SMC3: variants seen among roughly 807,000 people sequenced by gnomAD.
SMC3 encodes structural maintenance of chromosomes protein 3.
In SMC3, 20 loss-of-function variants were observed where a neutral mutation model predicts 171.8. The observed-to-expected ratio is 0.12, with a 90% confidence interval of 0.08 to 0.17. The LOEUF (loss-of-function observed/expected upper bound fraction) is 0.17, where lower values mean the gene tolerates loss of function less well. Among genes scored for constraint, SMC3 ranks in the 10% least tolerant of loss-of-function variants. The pLI, the probability that SMC3 is intolerant of heterozygous loss-of-function variation, is 1.00. For synonymous variants in SMC3, 464 were observed against 451.1 expected, an observed-to-expected ratio of 1.03 and a Z score of -0.36; for missense variants, 543 against 1,420.4, an observed-to-expected ratio of 0.38 and a Z score of 9.93.
rs771455552 is a variant in SMC3, at chr10:110,602,619, A to T, written c.3251A>T (p.Gln1084Leu). The change falls in exon 26 of 29, where the codon CAA becomes CTA. Residue 1084 changes from glutamine (Q) to leucine (L), a missense_variant. By Grantham distance (113) the Gln-to-Leu change is moderately radical (BLOSUM62 -2). Coordinates refer to ENST00000361804, the MANE Select transcript of SMC3 (RefSeq NM_005445.4). ...GAGAGTGAGAGGGGTTCTGGCTCAC[A>T]AAGCAGTGTCCCATCAGTTGACCAG... ...SGESERGSGS[Q>L]SSVPSVDQFT... The T allele has an allele frequency of 1.9e-6, 3 of 1,613,998 alleles. No individual in the cohort carries two copies.
intron 4 of SMC3, among the ~76,000 whole-genome samples, chr10:110,576,874 A>G (rs1355953115): frequency 1.3e-5 from 2 of 152,174 alleles, no homozygotes; most frequent in Non-Finnish European, 1.5e-5. Context: ...TTAAATGTGT[A>G]TATTTCTATA....
chr10:110,583,326 C>A, intron 10 of SMC3, 58 bp from the exon 11 acceptor site: 1 of 1,365,102 alleles, frequency 7.3e-7, no homozygotes, highest in South Asian at 1.2e-5. Context: ...TTAATGGTGT[C>A]ACAATTCTGC....
Position 110,567,766 on chromosome 10 carries a change from T to A in SMC3, c.-51T>A. On this transcript the variant is annotated 5_prime_UTR_variant, in exon 1 of 29. Transcript: ENST00000361804. ...GGCGCCTCACCTGACCCTGCGGCCG[T>A]GCGGTTGCTGCTCCGGGGCAGGTCT... is the stretch of plus-strand genomic sequence containing the variant. The A allele has an allele frequency of 6.2e-7, 1 of 1,612,034 alleles. No individual in the cohort carries two copies. The highest frequency in any genetic ancestry group is 8.5e-7 in the Non-Finnish European group (1 of 1,178,776).
At chr10:110,579,459 A>T (rs187305967) in intron 7 of SMC3, among the ~76,000 whole-genome samples, 1 of 152,164 alleles carries the variant, frequency 6.6e-6, no homozygotes, top group Admixed American at 6.5e-5. Context: ...TCTGCTGTCA[A>T]TCTAGGCCCT....
rs532569484 is a variant in SMC3 at position 110,589,540 on chromosome 10, C to G, written c.1306-65C>G. ...CCCCCATCCATCTGCAACCACTGAT[C>G]TGCTTTCTATCAGTGTAGATTAGTT... On this transcript the variant is annotated intron_variant, in intron 13 of 28. Coordinates refer to ENST00000361804, the MANE Select transcript of SMC3 (RefSeq NM_005445.4). 1.3e-4 allele frequency: 134 copies of G among 1,058,516 alleles called. 1 individual carries two copies. In the East Asian group the frequency reaches 1.4e-3, roughly 11 times the overall value. 65.6% of individuals were successfully genotyped at this position (1,058,516 alleles called of 1,614,324 possible). A position where few individuals can be genotyped will look rare whatever the true frequency, so the allele number is the denominator to read the frequency against.
chr10:110,581,863 A>G, intron 8 of SMC3, 60 bp from the exon 9 acceptor site: 1 of 1,302,532 alleles, frequency 7.7e-7, no homozygotes, highest in Non-Finnish European at 1.1e-6. Context: ...TATATTTAAG[A>G]AGTGATATTA....
chr10:110,570,228 A>C (rs1248472521), intron 2 of SMC3, among the ~76,000 whole-genome samples: 1 of 152,138 alleles, frequency 6.6e-6, no homozygotes, highest in Non-Finnish European at 1.5e-5. Flanking sequence ...ATACTATCAC[A>C]TTCGGGATTA....
At chr10:110,596,141 G>A (rs533598795) in intron 18 of SMC3, among the ~76,000 whole-genome samples, 2 of 145,034 alleles carry the variant, frequency 1.4e-5, no homozygotes, top group Non-Finnish European at 3.0e-5. Context: ...AGGATCACTT[G>A]AATCCAGGAG....
intron 1 of SMC3, 99 bp downstream of exon 1, chr10:110,567,930 C>A: frequency 7.0e-7 from 1 of 1,422,386 alleles, no homozygotes; most frequent in Non-Finnish European, 9.8e-7. Flanking sequence ...CCCCTGTCTC[C>A]ACAGGCTGGA....
At position 110,604,516 on chromosome 10, in the gene SMC3, T is replaced by C. The variant is rs936966345; in HGVS notation, c.*214T>C. ...ATTTAATTTCCTGTACAACTTTTTG[T>C]AAAATGTTCTGCTCCTATTTTAAAT... On this transcript the variant is annotated 3_prime_UTR_variant, in exon 29 of 29. Coordinates refer to ENST00000361804, the MANE Select transcript of SMC3 (RefSeq NM_005445.4). 2 of 498,624 alleles carry C rather than the reference T, an allele frequency of 4.0e-6. No individual in the cohort carries two copies. The highest frequency in any genetic ancestry group is 3.9e-5 in the African/African-American group (2 of 51,390). The allele number at this position is 498,624 out of a possible 1,614,324, so 30.9% of individuals were successfully genotyped here.
chr10:110,596,384 T>G lies in SMC3; in HGVS notation c.1964-14T>G. The G allele has an allele frequency of 6.2e-7, 1 of 1,611,240 alleles. No individual in the cohort carries two copies. Among genetic ancestry groups the G allele is most frequent in the Non-Finnish European group, 8.5e-7 (1 of 1,178,636 alleles). On this transcript the variant is annotated splice_polypyrimidine_tract_variant and intron_variant, in intron 18 of 28. Coordinates refer to ENST00000361804, the MANE Select transcript of SMC3 (RefSeq NM_005445.4). ...AAAAGTTGTACAGACCTATTACATA[T>G]GTTTTGTTTATAGGTGACCAAGTCA... is the stretch of plus-strand genomic sequence containing the variant.
chr10:110,605,162 T>C lies in SMC3; in HGVS notation c.*860T>C, dbSNP rs1040687405. Among the ~76,000 whole-genome samples the C allele has an allele frequency of 6.6e-6, 1 of 152,228 alleles. No homozygotes were observed. The highest frequency in any genetic ancestry group is 1.5e-5 in the Non-Finnish European group (1 of 68,012). ...ACATATTATTAACATGTTTTATCAC[T>C]GATGTTTACCTTGATCACCTACCCA... is the stretch of plus-strand genomic sequence containing the variant. On this transcript the variant is annotated 3_prime_UTR_variant, in exon 29 of 29. Transcript: ENST00000361804.
chr10:110,585,890 C>T (rs1203972015), intron 13 of SMC3, among the ~76,000 whole-genome samples: 2 of 151,904 alleles, frequency 1.3e-5, no homozygotes, highest in African/African-American at 2.4e-5. Context: ...CTCCGCTTCC[C>T]GGGTTCAAGC....
At chr10:110,590,730 T>C (rs1158017826) in intron 16 of SMC3, among the ~76,000 whole-genome samples, 158 bp downstream of exon 16, 2 of 152,258 alleles carry the variant, frequency 1.3e-5, no homozygotes, top group African/African-American at 2.4e-5. Flanking sequence ...TATTTGTTCC[T>C]AATTATAGAA....
Position 110,582,317 on chromosome 10 carries a change from A to C in SMC3, c.723+219A>C, listed in dbSNP as rs952816113. ...TGAAATATAATCAGATGGTGGTATT[A>C]GGCAGACAAGATGAGAGGAAAGCCA... On this transcript the variant is annotated intron_variant, in intron 9 of 28. Transcript: ENST00000361804. Among the ~76,000 whole-genome samples the C allele has an allele frequency of 7.9e-5, 12 of 151,294 alleles. No individual in the cohort carries two copies. The East Asian group carries it at 1.9e-3, about 24-fold the overall frequency.
rs1861023247 is a variant in SMC3 at position 110,581,137 on chromosome 10, C to CTGT, written c.547+118_547+120dup. The CTGT allele has an allele frequency of 8.3e-6, 6 of 725,588 alleles. No individual in the cohort carries two copies. In the Admixed American group the frequency reaches 1.2e-4, roughly 14 times the overall value. The allele number at this position is 725,588 out of a possible 1,614,324, so 44.9% of individuals were successfully genotyped here. ...TAGTATATGACAGCATTAGATAATG[C>CTGT]TGTTATTAATAAAAATTGAGAATCC... On this transcript the variant is annotated intron_variant, in intron 8 of 28. Transcript: ENST00000361804.
At position 110,584,212 on chromosome 10, in the gene SMC3, A is replaced by G; in HGVS notation, c.1121A>G (p.Asp374Gly). 6.2e-7 allele frequency: 1 copy of G among 1,614,078 alleles called. No homozygotes were observed. Among genetic ancestry groups the G allele is most frequent in the Non-Finnish European group, 8.5e-7 (1 of 1,179,988 alleles). ...GCTCAAGCTACCCAGGAAAGAACGG[A>G]TCTTTATGCAAAGCAGGGTCGAGGA... Reference protein sequence around the residue: ...RLAQATQERTDLYAKQGRGSQ... With the variant: ...RLAQATQERTGLYAKQGRGSQ... Residue 374 changes from aspartate to glycine, a missense_variant, in exon 13 of 29, where the codon GAT becomes GGT. Physicochemically the swap from Asp to Gly is moderately conservative, Grantham distance 94. Around this residue, in one of 8 missense-constraint regions of SMC3, gnomAD observed 146 missense variants for 437.9 expected, o/e 0.33. Transcript: ENST00000361804.
chr10:110,592,241 G>A lies in SMC3; in HGVS notation c.1813-832G>A, dbSNP rs575926600. 1.5e-4 allele frequency among the ~76,000 whole-genome samples: 22 copies of A among 147,026 alleles called. No homozygotes were observed. In the Admixed American group the frequency reaches 1.5e-3, roughly 10 times the overall value. On this transcript the variant is annotated intron_variant, in intron 17 of 28. Transcript: ENST00000361804. ...GATCATGCCACTGTACTTCATCCTG[G>A]CAACAGAGCAAGACTCCATCTCAAA...
intron 15 of SMC3, 38 bp downstream of exon 15, chr10:110,590,029 G>C (rs1338883215): frequency 2.6e-6 from 4 of 1,535,694 alleles, no homozygotes; most frequent in Non-Finnish European, 3.6e-6. Flanking sequence ...TTTACACTGA[G>C]TCATTGAGTT....
Sources: allele counts gnomAD v4.1 joint callset (sites outside exome capture counted in the v4.1 genomes callset), GRCh38; gene constraint gnomAD v4.1.1; regional missense constraint gnomAD v4.1.1; transcripts MANE v1.5; gene names NCBI Gene and HGNC (gene_info 2026-07-23, HGNC 2026-07-21).